TASP1: variants seen among roughly 807,000 people sequenced by gnomAD.
The protein encoded by TASP1 is taspase 1.
Under a neutral mutation model 56.6 loss-of-function variants are expected in TASP1, and 16 were observed. The ratio of observed to expected loss-of-function variants is 0.28; its 90% CI spans 0.19 to 0.43. The LOEUF is 0.43. Ranked by LOEUF, TASP1 falls within the 20% of genes least tolerant of loss-of-function variation. TASP1 has a pLI of 1.00. For synonymous variants in TASP1, 179 were observed against 184.2 expected, an observed-to-expected ratio of 0.97 and a Z score of 0.23; for missense variants, 393 against 511.6, an observed-to-expected ratio of 0.77 and a Z score of 2.24.
chr20:13,121,446 T>C, the TASP1 span, among the ~76,000 whole-genome samples: 4 of 152,278 alleles, frequency 2.6e-5, no homozygotes, highest in Non-Finnish European at 4.4e-5. Flanking sequence ...CTCTAAGATG[T>C]TTATTCTAAG....
intron 6 of TASP1, among the ~76,000 whole-genome samples, chr20:13,575,114 T>C (rs1330537845): frequency 6.6e-6 from 1 of 152,136 alleles, no homozygotes; most frequent in Non-Finnish European, 1.5e-5. Context: ...AAGGATAATA[T>C]ATTATGACCA....
At chr20:13,280,025 C>A in the TASP1 span, 1 of 871,092 alleles carries the variant, frequency 1.1e-6, no homozygotes, top group Non-Finnish European at 1.7e-6. Flanking sequence ...GCAAACCTCA[C>A]AAAGGCTGTC....
At chr20:13,140,649 A>C in the TASP1 span, among the ~76,000 whole-genome samples, 1 of 152,142 alleles carries the variant, frequency 6.6e-6, no homozygotes, top group African/African-American at 2.4e-5. Flanking sequence ...CAGGATTAAA[A>C]AAACAGCTCT....
At chr20:13,148,163 G>T in the TASP1 span, among the ~76,000 whole-genome samples, 1 of 152,090 alleles carries the variant, frequency 6.6e-6, no homozygotes, top group African/African-American at 2.4e-5. Flanking sequence ...ACATATTTTT[G>T]GAAATGCCAC....
the TASP1 span, among the ~76,000 whole-genome samples, chr20:13,153,352 T>G: frequency 6.6e-6 from 1 of 152,170 alleles, no homozygotes; most frequent in Non-Finnish European, 1.5e-5. Context: ...GTATGTACTT[T>G]GCTTGTCTTT....
chr20:13,338,702 G>A, the TASP1 span, among the ~76,000 whole-genome samples: 5 of 150,604 alleles, frequency 3.3e-5, no homozygotes, highest in East Asian at 1.9e-4. Context: ...TGACATTCAC[G>A]TCTTGGACTT....
the TASP1 span, among the ~76,000 whole-genome samples, chr20:13,107,742 G>A: frequency 6.6e-6 from 1 of 150,948 alleles, no homozygotes; most frequent in Non-Finnish European, 1.5e-5. Context: ...GTTAGTTTCT[G>A]GCTAGTGATT....
At chr20:13,499,425 C>T (rs1234333996) in intron 10 of TASP1, among the ~76,000 whole-genome samples, 5 of 148,916 alleles carry the variant, frequency 3.4e-5, no homozygotes, top group South Asian at 2.1e-4. Context: ...AACCTGCACA[C>T]GTACCCCCTG....
At chr20:13,487,639 G>A (rs1015957574) in intron 10 of TASP1, among the ~76,000 whole-genome samples, 9 of 151,908 alleles carry the variant, frequency 5.9e-5, no homozygotes, top group Non-Finnish European at 7.4e-5. Flanking sequence ...TGGGTATCCC[G>A]AAACTTTCAA....
chr20:13,588,354 T>G (rs947623051), intron 4 of TASP1, among the ~76,000 whole-genome samples: 1 of 148,956 alleles, frequency 6.7e-6, no homozygotes, highest in African/African-American at 2.5e-5. Context: ...GGAAGGTAGG[T>G]AGGTAGGTCT....
chr20:13,477,608 A>T (rs1401817477), intron 11 of TASP1, among the ~76,000 whole-genome samples: 1 of 152,146 alleles, frequency 6.6e-6, no homozygotes, highest in Non-Finnish European at 1.5e-5. Context: ...TTTAAAAATA[A>T]CCATGAAGAG....
chr20:13,635,551 C>T (rs780390142), intron 1 of TASP1, among the ~76,000 whole-genome samples: 2 of 152,006 alleles, frequency 1.3e-5, no homozygotes, highest in Non-Finnish European at 2.9e-5. Flanking sequence ...CCATGCCTGG[C>T]TAATTTTTGT....
the TASP1 span, among the ~76,000 whole-genome samples, chr20:13,337,234 C>A: frequency 6.6e-6 from 1 of 152,126 alleles, no homozygotes; most frequent in Non-Finnish European, 1.5e-5. Flanking sequence ...CAGTTTTGAC[C>A]AGAGGCAACA....
chr20:13,480,265 C>T (rs1185988197), intron 11 of TASP1, among the ~76,000 whole-genome samples: 1 of 152,164 alleles, frequency 6.6e-6, no homozygotes, highest in Admixed American at 6.6e-5. Flanking sequence ...CTTGTTTAAC[C>T]AATGAGACGG....
At chr20:13,578,219 C>A (rs1478854417) in intron 6 of TASP1, among the ~76,000 whole-genome samples, 1 of 148,980 alleles carries the variant, frequency 6.7e-6, no homozygotes, top group East Asian at 2.0e-4. Context: ...TTTTTTTTTA[C>A]TAACAATTCC....
chr20:13,524,807 T>C (rs1454518826), intron 10 of TASP1, among the ~76,000 whole-genome samples: 1 of 152,186 alleles, frequency 6.6e-6, no homozygotes, highest in Non-Finnish European at 1.5e-5. Flanking sequence ...TGCCTCTAGA[T>C]GCAAGCGGTT....
the TASP1 span, among the ~76,000 whole-genome samples, chr20:13,125,580 T>G: frequency 6.6e-6 from 1 of 152,194 alleles, no homozygotes; most frequent in African/African-American, 2.4e-5. Flanking sequence ...AAGGAGTTCT[T>G]TTGGTCTCAT....
chr20:13,132,415 A>G, the TASP1 span, among the ~76,000 whole-genome samples: 1 of 152,108 alleles, frequency 6.6e-6, no homozygotes, highest in Admixed American at 6.5e-5. Flanking sequence ...GACCTCAAGT[A>G]GTCCACCCAC....
At chr20:13,268,277 TTC>T in the TASP1 span, among the ~76,000 whole-genome samples, 55 of 145,940 alleles carry the variant, frequency 3.8e-4, no homozygotes, top group African/African-American at 1.2e-3. Context: ...CTCTCGCTCC[TTC>T]TCTTTCTTTC....
Sources: allele counts gnomAD v4.1 joint callset (sites outside exome capture counted in the v4.1 genomes callset), GRCh38; gene constraint gnomAD v4.1.1; transcripts MANE v1.5; gene names NCBI Gene and HGNC (gene_info 2026-07-23, HGNC 2026-07-21).